SORCS2: variants seen among roughly 807,000 people sequenced by gnomAD.
SORCS2 encodes the protein VPS10 domain-containing receptor SorCS2.
A neutral mutation model predicts 141.6 loss-of-function variants in SORCS2; 100 were observed. That is an observed-to-expected ratio of 0.71 (90% CI 0.60 to 0.83). The LOEUF (loss-of-function observed/expected upper bound fraction) is 0.83. Ranked by LOEUF, SORCS2 falls within the 40% of genes least tolerant of loss-of-function variation. SORCS2 has a pLI of 0.00. For synonymous variants in SORCS2, 789 were observed against 676.9 expected, an observed-to-expected ratio of 1.17 and a Z score of -2.57; for missense variants, 1,646 against 1,560.2, an observed-to-expected ratio of 1.05 and a Z score of -0.93.
Position 7,676,232 on chromosome 4 carries a change from G to A in SORCS2, c.1341+3G>A, listed in dbSNP as rs1261351063. The A allele has an allele frequency of 1.3e-6, 2 of 1,549,130 alleles. No homozygotes were observed. Among genetic ancestry groups the A allele is most frequent in the East Asian group, 2.4e-5 (1 of 40,894 alleles). On this transcript the variant is annotated splice_donor_region_variant and intron_variant, in intron 9 of 26. Transcript: ENST00000507866. Reference sequence around the variant, plus strand: ...GCGTGCTCATCGACATCCTGGAGGTGGGTCCAGGGTGGATGTGGGCCAGGT... The same window carrying A: ...GCGTGCTCATCGACATCCTGGAGGTAGGTCCAGGGTGGATGTGGGCCAGGT...
chr4:7,335,313 GAGAA>G (rs1243808758), intron 1 of SORCS2, among the ~76,000 whole-genome samples: 1 of 152,216 alleles, frequency 6.6e-6, no homozygotes, highest in African/African-American at 2.4e-5. Context: ...TCAGAAAAAA[GAGAA>G]AGTGTTTCTG....
At chr4:7,653,510 TG>T (rs1163785281) in intron 4 of SORCS2, among the ~76,000 whole-genome samples, 2 of 152,222 alleles carry the variant, frequency 1.3e-5, no homozygotes, top group Non-Finnish European at 2.9e-5. Flanking sequence ...CCCAAGGTGC[TG>T]GGATTACAGG....
At chr4:7,580,388 G>T (rs1716064439) in intron 3 of SORCS2, among the ~76,000 whole-genome samples, 1 of 152,048 alleles carries the variant, frequency 6.6e-6, no homozygotes, top group Non-Finnish European at 1.5e-5. Flanking sequence ...TACTCAGGAG[G>T]CTGAGCCATG....
intron 1 of SORCS2, among the ~76,000 whole-genome samples, chr4:7,210,686 G>C (rs1328069462): frequency 6.6e-6 from 1 of 152,234 alleles, no homozygotes. Flanking sequence ...TGTTCTGAGA[G>C]TCAAGTCTTC....
Position 7,725,237 on chromosome 4 carries a change from T to C in SORCS2, c.2695T>C (p.Leu899=). The C allele has an allele frequency of 6.2e-7, 1 of 1,613,606 alleles. No individual in the cohort carries two copies. The highest frequency in any genetic ancestry group is 2.2e-5 in the East Asian group (1 of 44,872). ...EVNLTAVLLP[L]NPNLTVFYWW... ...GAACCTCACAGCTGTGCTGCTTCCCTTGAACCCTAACCTCACCGTCTTCTA... is the reference window on the plus strand; with the variant it reads ...GAACCTCACAGCTGTGCTGCTTCCCCTGAACCCTAACCTCACCGTCTTCTA... Residue 899 remains leucine, a synonymous_variant, in exon 20 of 27, where the codon TTG becomes CTG. Coordinates refer to ENST00000507866, the MANE Select transcript of SORCS2 (RefSeq NM_020777.3).
intron 16 of SORCS2, 125 bp from the exon 17 acceptor site, chr4:7,715,058 A>G (rs1726097364): frequency 1.5e-6 from 2 of 1,314,564 alleles, no homozygotes; most frequent in Non-Finnish European, 1.1e-6. Flanking sequence ...GTCCTCACAG[A>G]TGGGTGCATA....
chr4:7,532,703 C>G (rs970737485), intron 3 of SORCS2, among the ~76,000 whole-genome samples: 5 of 151,088 alleles, frequency 3.3e-5, no homozygotes, highest in African/African-American at 1.2e-4. Context: ...GTCTATGGAA[C>G]GAGGGGGCTG....
chr4:7,408,538 C>T (rs1325026364), intron 2 of SORCS2, among the ~76,000 whole-genome samples: 1 of 152,046 alleles, frequency 6.6e-6, no homozygotes, highest in Non-Finnish European at 1.5e-5. Flanking sequence ...CTCTCTTTGT[C>T]CTTGACCTTT....
At chr4:7,597,405 T>C (rs1717345785) in intron 3 of SORCS2, among the ~76,000 whole-genome samples, 2 of 139,190 alleles carry the variant, frequency 1.4e-5, no homozygotes, top group South Asian at 4.7e-4. Flanking sequence ...GAGGAGGGGC[T>C]GTTGCAATAG....
intron 1 of SORCS2, among the ~76,000 whole-genome samples, chr4:7,209,935 A>G (rs1727966555): frequency 6.6e-6 from 1 of 152,200 alleles, no homozygotes; most frequent in Non-Finnish European, 1.5e-5. Context: ...TGCCGGGGGA[A>G]GGGGTGAAGT....
intron 1 of SORCS2, among the ~76,000 whole-genome samples, chr4:7,265,169 C>T (rs1180022667): frequency 3.3e-5 from 5 of 152,208 alleles, no homozygotes; most frequent in Admixed American, 2.6e-4. Flanking sequence ...GAACTTTATT[C>T]TCCCACAGTC....
chr4:7,213,214 G>A (rs1443797506), intron 1 of SORCS2, among the ~76,000 whole-genome samples: 2 of 152,228 alleles, frequency 1.3e-5, no homozygotes, highest in Non-Finnish European at 2.9e-5. Context: ...CCGCCATCTC[G>A]CCTGTGGGCT....
chr4:7,524,539 A>G (rs1352969129), intron 2 of SORCS2, among the ~76,000 whole-genome samples: 1 of 151,160 alleles, frequency 6.6e-6, no homozygotes, highest in Non-Finnish European at 1.5e-5. Context: ...TGCTTGCACA[A>G]CATTGAAAAC....
At chr4:7,455,590 G>T (rs1728849166) in intron 2 of SORCS2, among the ~76,000 whole-genome samples, 1 of 142,102 alleles carries the variant, frequency 7.0e-6, no homozygotes, top group East Asian at 2.3e-4. Flanking sequence ...GTGTGTTGGG[G>T]TCAGGTGCTG....
intron 1 of SORCS2, among the ~76,000 whole-genome samples, chr4:7,346,209 G>A (rs1720647460): frequency 6.6e-6 from 1 of 151,972 alleles, no homozygotes; most frequent in Non-Finnish European, 1.5e-5. Context: ...TTCCCCCTTT[G>A]CACTGCTTTA....
chr4:7,339,625 C>G (rs942028431), intron 1 of SORCS2, among the ~76,000 whole-genome samples: 1 of 152,182 alleles, frequency 6.6e-6, no homozygotes, highest in Non-Finnish European at 1.5e-5. Context: ...TCAGGACACC[C>G]AGTCATATTG....
At chr4:7,537,865 G>A (rs1381861669) in intron 3 of SORCS2, among the ~76,000 whole-genome samples, 2 of 152,120 alleles carry the variant, frequency 1.3e-5, no homozygotes, top group Non-Finnish European at 2.9e-5. Context: ...TGGCACGTAT[G>A]GTCCCAGCTA....
rs1727496592 is a variant in SORCS2, at chr4:7,201,795, T to G, written c.480+8669T>G. Reference sequence around the variant, plus strand: ...TAGTTTGGGTGGGTGCTCTGTGGATTGCAGGGATGCCGATGACCTGAGAAG... The same window carrying G: ...TAGTTTGGGTGGGTGCTCTGTGGATGGCAGGGATGCCGATGACCTGAGAAG... On this transcript the variant is annotated intron_variant, in intron 1 of 26. Coordinates refer to ENST00000507866, the MANE Select transcript of SORCS2 (RefSeq NM_020777.3). The surrounding 1 kb of genome is among the most constrained non-coding windows in gnomAD (Gnocchi z 4.4). 6.6e-6 allele frequency among the ~76,000 whole-genome samples: 1 copy of G among 152,140 alleles called. No individual in the cohort carries two copies. Among genetic ancestry groups the G allele is most frequent in the African/African-American group, 2.4e-5 (1 of 41,416 alleles).
chr4:7,740,665 C>T lies in SORCS2; in HGVS notation c.*401C>T, dbSNP rs530447256. ...CCGTTCAGACACTGCGTTGCGGGCT[C>T]CTTCCCCGCAGAGGCCGGGGCCTCC... On this transcript the variant is annotated 3_prime_UTR_variant, in exon 27 of 27. Coordinates refer to ENST00000507866, the MANE Select transcript of SORCS2 (RefSeq NM_020777.3). 4 of 279,084 alleles carry T rather than the reference C, an allele frequency of 1.4e-5. No homozygotes were observed. The highest frequency in any genetic ancestry group is 1.2e-4 in the South Asian group (1 of 8,640). The allele number at this position is 279,084 out of a possible 1,614,324, so 17.3% of individuals were successfully genotyped here. A position where few individuals can be genotyped will look rare whatever the true frequency, so the allele number is the denominator to read the frequency against.
Sources: allele counts gnomAD v4.1 joint callset (sites outside exome capture counted in the v4.1 genomes callset), GRCh38; gene constraint gnomAD v4.1.1; non-coding constraint Gnocchi (gnomAD v3.1); transcripts MANE v1.5; gene names NCBI Gene and HGNC (gene_info 2026-07-23, HGNC 2026-07-21).